THAP4: variants seen among roughly 807,000 people sequenced by gnomAD.
The protein encoded by THAP4 is peroxynitrite isomerase THAP4.
In THAP4, 18 loss-of-function variants were observed where a neutral mutation model predicts 48.1. That is an observed-to-expected ratio of 0.37 (90% confidence interval 0.26 to 0.56). THAP4 has a LOEUF of 0.56. Among genes scored for constraint, THAP4 ranks in the 20% least tolerant of loss-of-function variants. THAP4 has a pLI of 0.78. For synonymous variants in THAP4, 345 were observed against 324.9 expected, an observed-to-expected ratio of 1.06 and a Z score of -0.66; for missense variants, 656 against 774.9, an observed-to-expected ratio of 0.85 and a Z score of 1.82.
intron 2 of THAP4, among the ~76,000 whole-genome samples, chr2:241,607,852 A>G (rs2067204537): frequency 8.4e-6 from 1 of 118,620 alleles, no homozygotes; most frequent in Admixed American, 9.0e-5. Context: ...TGGGGACAGG[A>G]TTGGACTGAC....
At chr2:241,606,250 A>G in intron 3 of THAP4, 64 bp downstream of exon 3, 2 of 1,435,782 alleles carry the variant, frequency 1.4e-6, no homozygotes, top group South Asian at 1.4e-5. Context: ...TCAGTCTGGA[A>G]TTATTTTCAG....
chr2:241,589,829 T>C (rs990926905), intron 5 of THAP4, among the ~76,000 whole-genome samples: 1 of 152,144 alleles, frequency 6.6e-6, no homozygotes, highest in Non-Finnish European at 1.5e-5. Context: ...AGCTCACTGG[T>C]GGACCACCAC....
intron 3 of THAP4, among the ~76,000 whole-genome samples, chr2:241,604,093 ACTTT>A (rs2067150687): frequency 6.6e-6 from 1 of 151,912 alleles, no homozygotes; most frequent in Non-Finnish European, 1.5e-5. Context: ...TTAGAGATAA[ACTTT>A]ATTTATTTAT....
At chr2:241,619,802 CGTGA>C (rs1460340831) in intron 2 of THAP4, among the ~76,000 whole-genome samples, 1 of 50,198 alleles carries the variant, frequency 2.0e-5, no homozygotes, top group Non-Finnish European at 3.7e-5. Flanking sequence ...GTGCGTGAGT[CGTGA>C]GTGAGGGGTG....
chr2:241,598,259 A>G (rs186634494), intron 5 of THAP4, among the ~76,000 whole-genome samples: 5 of 152,328 alleles, frequency 3.3e-5, no homozygotes, highest in Admixed American at 2.0e-4. Flanking sequence ...TGGTTACCAG[A>G]TACCTTCCCA....
chr2:241,627,291 T>C (rs35885576), intron 2 of THAP4, among the ~76,000 whole-genome samples: 22,718 of 152,224 alleles, frequency 0.15, 1,887 homozygotes, highest in Middle Eastern at 0.27. Context: ...CATAAAGGAA[T>C]AAAAAGAAAA....
At chr2:241,623,830 T>C (rs1575036259) in intron 2 of THAP4, among the ~76,000 whole-genome samples, 1 of 152,136 alleles carries the variant, frequency 6.6e-6, no homozygotes, top group East Asian at 1.9e-4. Context: ...ATTGAATATA[T>C]GGAAAAAAAC....
chr2:241,591,359 C>G (rs1404962762), intron 5 of THAP4, among the ~76,000 whole-genome samples: 1 of 152,202 alleles, frequency 6.6e-6, no homozygotes, highest in East Asian at 1.9e-4. Flanking sequence ...TGGGACTGTT[C>G]TCAGTCTTGA....
chr2:241,606,507 C>T lies in THAP4; in HGVS notation c.1241-34G>A. ...AAAAGAATGAGACTATCAGTGGCCT[C>T]CCTCCAACCATGCCTTGCTGAGCTT... On this transcript the variant is annotated intron_variant, in intron 2 of 5. Transcript: ENST00000407315. 3 of 1,556,164 alleles carry T rather than the reference C, an allele frequency of 1.9e-6. No individual in the cohort carries two copies. The Middle Eastern group carries it at 5.1e-4, about 263-fold the overall frequency.
At chr2:241,635,442 G>C (rs2067623626) in intron 1 of THAP4, among the ~76,000 whole-genome samples, 1 of 152,178 alleles carries the variant, frequency 6.6e-6, no homozygotes, top group Non-Finnish European at 1.5e-5. Context: ...TCTTCATTAA[G>C]GCAAACTCTG....
chr2:241,635,891 G>A (rs1287159807), intron 1 of THAP4, among the ~76,000 whole-genome samples: 3 of 152,176 alleles, frequency 2.0e-5, no homozygotes, highest in African/African-American at 7.2e-5. Context: ...AATCCTAACA[G>A]GATGGACTGG....
chr2:241,629,637 G>A (rs1482812249), intron 2 of THAP4, among the ~76,000 whole-genome samples: 2 of 151,778 alleles, frequency 1.3e-5, no homozygotes, highest in East Asian at 1.9e-4. Context: ...TTTGGATTGA[G>A]TTAAAAATAT....
Position 241,584,731 on chromosome 2 carries a change from C to A in THAP4, c.1615-6G>T. On this transcript the variant is annotated splice_region_variant and splice_polypyrimidine_tract_variant and intron_variant, in intron 5 of 5. Transcript: ENST00000407315. ...AGCCTGAACTTCCGGGTGATCTGAG[C>A]AGGAGAATGGAACAAAGATAGCTTA... The A allele has an allele frequency of 6.2e-7, 1 of 1,614,180 alleles. No individual in the cohort carries two copies. Among genetic ancestry groups the A allele is most frequent in the South Asian group, 1.1e-5 (1 of 91,090 alleles).
chr2:241,607,862 C>A (rs1480486625), intron 2 of THAP4, among the ~76,000 whole-genome samples: 1 of 104,424 alleles, frequency 9.6e-6, no homozygotes, highest in East Asian at 2.7e-4. Context: ...ATTGGACTGA[C>A]CCCCAGTGTC....
chr2:241,636,940 C>T lies in THAP4; in HGVS notation c.77+1G>A. ...GGCGTGGCGGCCCGGGGCCCGCGTACCTGTGGAAGGAGACGGCGCGCTTCT... is the reference window on the plus strand; with the variant it reads ...GGCGTGGCGGCCCGGGGCCCGCGTATCTGTGGAAGGAGACGGCGCGCTTCT... On this transcript the variant is annotated splice_donor_variant, in intron 1 of 5. Coordinates refer to ENST00000407315, the MANE Select transcript of THAP4 (RefSeq NM_015963.6). LOFTEE classifies it high-confidence loss of function. 1 of 1,279,146 alleles carries T rather than the reference C, an allele frequency of 7.8e-7. No homozygotes were observed. The highest frequency in any genetic ancestry group is 2.4e-5 in the Admixed American group (1 of 41,768). The allele number at this position is 1,279,146 out of a possible 1,614,324, so 79.2% of individuals were successfully genotyped here.
intron 2 of THAP4, among the ~76,000 whole-genome samples, chr2:241,613,437 T>C (rs1480136702): frequency 6.6e-6 from 1 of 152,094 alleles, no homozygotes; most frequent in Non-Finnish European, 1.5e-5. Context: ...GGCTTACAAA[T>C]GAAGTAGCAG....
upstream of THAP4, chr2:241,637,508 C>T: frequency 2.1e-6 from 3 of 1,440,620 alleles, no homozygotes; most frequent in Non-Finnish European, 9.1e-7. Flanking sequence ...GACACGACCC[C>T]ATGCCGCCCG....
intron 3 of THAP4, among the ~76,000 whole-genome samples, chr2:241,605,877 C>T (rs1292632790): frequency 6.6e-6 from 1 of 152,064 alleles, no homozygotes; most frequent in Admixed American, 6.6e-5. Context: ...GTCACCACAC[C>T]TGGCTAAATA....
chr2:241,615,116 C>T (rs1019013866), intron 2 of THAP4, among the ~76,000 whole-genome samples: 2 of 152,038 alleles, frequency 1.3e-5, no homozygotes, highest in Admixed American at 6.6e-5. Context: ...CAGACAAAAA[C>T]GTATATATTC....
Sources: allele counts gnomAD v4.1 joint callset (sites outside exome capture counted in the v4.1 genomes callset), GRCh38; gene constraint gnomAD v4.1.1; transcripts MANE v1.5; gene names NCBI Gene and HGNC (gene_info 2026-07-23, HGNC 2026-07-21).